TMEM62: variants seen among roughly 807,000 people sequenced by gnomAD.
TMEM62 encodes the protein transmembrane protein 62.
In TMEM62, 41 loss-of-function variants were observed where a neutral mutation model predicts 70.4. The ratio of observed to expected loss-of-function variants is 0.58; its 90% CI spans 0.45 to 0.76. The LOEUF is 0.76. Ranked by LOEUF, TMEM62 falls within the 30% of genes least tolerant of loss-of-function variation. The probability of loss-of-function intolerance (pLI) is 0.00; values close to 1 mark genes in which losing one functional copy is unlikely to be tolerated. For missense variants in TMEM62, 688 were observed against 788.5 expected, an observed-to-expected ratio of 0.87 and a Z score of 1.53; for synonymous variants, 268 against 291.0, an observed-to-expected ratio of 0.92 and a Z score of 0.80.
chr15:43,181,392 T>A, intron 13 of TMEM62, 93 bp downstream of exon 13: 1 of 806,918 alleles, frequency 1.2e-6, no homozygotes, highest in Non-Finnish European at 2.1e-6. Flanking sequence ...CAGAATTAAG[T>A]ACCATAGATC....
chr15:43,160,113 T>A (rs554589458), intron 9 of TMEM62, among the ~76,000 whole-genome samples: 14 of 151,928 alleles, frequency 9.2e-5, no homozygotes, highest in Admixed American at 7.9e-4. Flanking sequence ...GGATTACAGG[T>A]GCGTATCACC....
chr15:43,170,862 G>A (rs547125176), intron 11 of TMEM62, among the ~76,000 whole-genome samples: 15 of 152,214 alleles, frequency 9.9e-5, no homozygotes, highest in African/African-American at 2.2e-4. Context: ...GGAATACAGC[G>A]CTCTTAGAAA....
Position 43,133,855 on chromosome 15 carries a change from T to C in TMEM62, c.53T>C (p.Leu18Pro). The C allele has an allele frequency of 6.8e-7, 1 of 1,477,778 alleles. No individual in the cohort carries two copies. Among genetic ancestry groups the C allele is most frequent in the Non-Finnish European group, 8.9e-7 (1 of 1,122,290 alleles). 91.5% of individuals were successfully genotyped at this position (1,477,778 alleles called of 1,614,324 possible). A position where few individuals can be genotyped will look rare whatever the true frequency, so the allele number is the denominator to read the frequency against. ...GTCGCGGGGTTGGCGGCCGCAGCGCTGGTGGCCATGCTCTTGGAGCACTAC... is the reference window on the plus strand; with the variant it reads ...GTCGCGGGGTTGGCGGCCGCAGCGCCGGTGGCCATGCTCTTGGAGCACTAC... ...RVVAGLAAAA[L>P]VAMLLEHYGL... Residue 18 changes from leucine (L) to proline (P), a missense_variant, in exon 1 of 14, where the codon CTG becomes CCG. By Grantham distance (98) the Leu-to-Pro change is moderately conservative. Transcript: ENST00000260403.
At chr15:43,159,175 T>C (rs2038389408) in intron 9 of TMEM62, among the ~76,000 whole-genome samples, 1 of 152,238 alleles carries the variant, frequency 6.6e-6, no homozygotes, top group Non-Finnish European at 1.5e-5. Flanking sequence ...AGGCATGCAA[T>C]GCGTAATAAT....
At chr15:43,155,546 A>G (rs915316604) in intron 9 of TMEM62, among the ~76,000 whole-genome samples, 2 of 152,216 alleles carry the variant, frequency 1.3e-5, no homozygotes, top group Admixed American at 6.5e-5. Context: ...TGTATTTAGT[A>G]TATTCTGAAA....
chr15:43,138,736 G>C lies in TMEM62; in HGVS notation c.476+117G>C, dbSNP rs117093529. 8.1e-6 allele frequency: 7 copies of C among 864,340 alleles called. No individual in the cohort carries two copies. The South Asian group carries it at 1.0e-4, about 13-fold the overall frequency. The allele number at this position is 864,340 out of a possible 1,614,324, so 53.5% of individuals were successfully genotyped here. On this transcript the variant is annotated intron_variant, in intron 4 of 13. Coordinates refer to ENST00000260403, the MANE Select transcript of TMEM62 (RefSeq NM_024956.4). ...AAACATTTTAAGAGGCAGGGGTCTC[G>C]CTATTTTGCCCAGGCTAGCTCTGAA... is the stretch of plus-strand genomic sequence containing the variant.
intron 4 of TMEM62, among the ~76,000 whole-genome samples, chr15:43,145,578 C>T (rs1457573893): frequency 6.6e-6 from 1 of 152,138 alleles, no homozygotes; most frequent in Non-Finnish European, 1.5e-5. Context: ...TTGGGTTTGA[C>T]TAATTTCTGA....
chr15:43,135,438 G>A (rs2035074339), intron 2 of TMEM62, 74 bp from the exon 3 acceptor site: 3 of 1,468,438 alleles, frequency 2.0e-6, no homozygotes, highest in Middle Eastern at 1.8e-4. Context: ...TTCCTTCAGT[G>A]TACATATCTA....
intron 10 of TMEM62, among the ~76,000 whole-genome samples, chr15:43,168,261 C>T (rs2039807482): frequency 1.3e-5 from 2 of 151,638 alleles, no homozygotes; most frequent in Non-Finnish European, 2.9e-5. Context: ...CAGAAGGAGC[C>T]TCTCTCTTTG....
chr15:43,137,630 C>T (rs2141472128), intron 3 of TMEM62, among the ~76,000 whole-genome samples: 1 of 152,380 alleles, frequency 6.6e-6, no homozygotes, highest in East Asian at 1.9e-4. Context: ...ACTGTCCCAA[C>T]CCTCCCACAG....
chr15:43,171,211 C>T (rs1366088724), intron 11 of TMEM62, among the ~76,000 whole-genome samples: 6 of 152,020 alleles, frequency 3.9e-5, no homozygotes, highest in Non-Finnish European at 7.4e-5. Flanking sequence ...TGGCACACAC[C>T]TGTAGTCCTA....
In TMEM62 at chr15:43,135,613, GA is replaced by G. The variant is rs771538939; in HGVS notation, c.400del (p.Thr134ProfsTer53). ...TATTCTGAAGAAGACAAGAGTCATG[GA>G]AAAAACCAAGTGGCTGGATATCAAA... is the stretch of plus-strand genomic sequence containing the variant. The part of the protein sequence containing the change: ...QGILKKTRVM[E>X]KTKWLDIKGN... On this transcript the variant is annotated frameshift_variant, in exon 3 of 14. Coordinates refer to ENST00000260403, the MANE Select transcript of TMEM62 (RefSeq NM_024956.4). LOFTEE classifies it high-confidence loss of function. 6.2e-7 allele frequency: 1 copy of G among 1,603,412 alleles called. No homozygotes were observed. The highest frequency in any genetic ancestry group is 1.3e-5 in the African/African-American group (1 of 74,388).
Position 43,181,239 on chromosome 15 carries a change from G to C in TMEM62, c.1545G>C (p.Gly515=), listed in dbSNP as rs756698592. Residue 515 remains glycine (G), a synonymous_variant, in exon 13 of 14, where the codon GGG becomes GGC. Coordinates refer to ENST00000260403, the MANE Select transcript of TMEM62 (RefSeq NM_024956.4). ...DGKFGCCFSF[G]IFVNGHFLQG... Reference sequence around the variant, plus strand: ...AATTTGGTTGCTGCTTTTCCTTTGGGATATTTGTTAATGGACATTTCCTAC... The same window carrying C: ...AATTTGGTTGCTGCTTTTCCTTTGGCATATTTGTTAATGGACATTTCCTAC... 9 of 1,613,820 alleles carry C rather than the reference G, an allele frequency of 5.6e-6. No individual in the cohort carries two copies. The Middle Eastern group carries it at 6.6e-4, about 119-fold the overall frequency.
intron 9 of TMEM62, among the ~76,000 whole-genome samples, chr15:43,159,539 C>T (rs1236844653): frequency 6.6e-6 from 1 of 152,210 alleles, no homozygotes; most frequent in Non-Finnish European, 1.5e-5. Flanking sequence ...ATAGTGGTCT[C>T]CAGTTCCATC....
chr15:43,134,222 C>A, intron 1 of TMEM62, 35 bp from the exon 2 acceptor site: 2 of 1,601,650 alleles, frequency 1.2e-6, no homozygotes, highest in Non-Finnish European at 1.7e-6. Flanking sequence ...CTCTTCCTGG[C>A]TCAGATCTCT....
At chr15:43,163,734 A>T (rs990431888) in intron 10 of TMEM62, among the ~76,000 whole-genome samples, 8 of 151,918 alleles carry the variant, frequency 5.3e-5, no homozygotes, top group Non-Finnish European at 5.9e-5. Context: ...GTGAGCCAAG[A>T]TCATGCCACT....
chr15:43,177,088 C>T (rs1249165327), intron 11 of TMEM62, among the ~76,000 whole-genome samples: 16 of 151,622 alleles, frequency 1.1e-4, no homozygotes, highest in South Asian at 2.1e-4. Context: ...AGGGTATCAG[C>T]GATGGAAGAT....
intron 10 of TMEM62, among the ~76,000 whole-genome samples, chr15:43,161,603 C>T (rs2038704438): frequency 6.6e-6 from 1 of 152,090 alleles, no homozygotes; most frequent in Admixed American, 6.6e-5. Flanking sequence ...CTCTTATATA[C>T]ACATGTGTAT....
chr15:43,135,342 C>G (rs1365118449), intron 2 of TMEM62, among the ~76,000 whole-genome samples, 170 bp from the exon 3 acceptor site: 1 of 152,164 alleles, frequency 6.6e-6, no homozygotes, highest in Non-Finnish European at 1.5e-5. Context: ...CTGAGAAAAT[C>G]TTGTTAGTTT....
Sources: gnomAD v4.1 joint callset for allele counts (sites outside exome capture counted in the v4.1 genomes callset) on GRCh38, gnomAD v4.1.1 for gene constraint, MANE v1.5 for transcripts, NCBI Gene and HGNC (gene_info 2026-07-23, HGNC 2026-07-21) for gene names.